The following STAU2 variants were observed in gnomAD, a reference collection of about 807,000 sequenced individuals.
STAU2 encodes the protein staufen double-stranded RNA binding protein 2, also known as double-stranded RNA-binding protein Staufen homolog 2.
A neutral mutation model predicts 65.9 loss-of-function variants in STAU2; 20 were observed. That is an observed-to-expected ratio of 0.30 (90% CI 0.21 to 0.44). STAU2 has a LOEUF of 0.44. Among genes scored for constraint, STAU2 ranks in the 20% least tolerant of loss-of-function variants. The pLI, the probability that STAU2 is intolerant of heterozygous loss-of-function variation, is 1.00. For missense variants in STAU2, 558 were observed against 683.9 expected (o/e 0.82, Z 2.05); for synonymous variants, 232 against 233.9 (o/e 0.99, Z 0.07).
chr8:73,743,414 G>C (rs1176359213), intron 1 of STAU2, among the ~76,000 whole-genome samples: 3 of 150,834 alleles, frequency 2.0e-5, no homozygotes, highest in Admixed American at 2.0e-4. Context: ...CTGGCCCAAA[G>C]TCGTCTTTTC....
intron 4 of STAU2, among the ~76,000 whole-genome samples, chr8:73,703,330 C>T (rs1019256029): frequency 3.3e-5 from 5 of 152,110 alleles, no homozygotes; most frequent in African/African-American, 1.2e-4. Flanking sequence ...CCTTTTACTT[C>T]CACCATGATT....
rs1023641485 is a variant in STAU2 at position 73,558,984 on chromosome 8, G to A, written c.1223-6665C>T. 3.9e-5 allele frequency among the ~76,000 whole-genome samples: 6 copies of A among 151,984 alleles called. No homozygotes were observed. In the East Asian group the frequency reaches 1.2e-3, roughly 29 times the overall value. ...AAAAATTCTTAAGAACTAGAAACAG[G>A]GGCTTCTGGTTCAAAACAGGAAATG... On this transcript the variant is annotated intron_variant, in intron 12 of 14. Coordinates refer to ENST00000524300, the MANE Select transcript of STAU2 (RefSeq NM_001164380.2).
intron 2 of STAU2, among the ~76,000 whole-genome samples, chr8:73,739,451 G>C (rs972244147): frequency 1.3e-5 from 2 of 152,108 alleles, no homozygotes; most frequent in African/African-American, 4.8e-5. Context: ...TATAGAAACT[G>C]TTATGCTGCT....
intron 13 of STAU2, among the ~76,000 whole-genome samples, chr8:73,449,327 G>A (rs1240377516): frequency 2.0e-5 from 3 of 152,178 alleles, no homozygotes; most frequent in Non-Finnish European, 4.4e-5. Flanking sequence ...TTCTGGCTGC[G>A]TCCTCCCAGG....
intron 6 of STAU2, chr8:73,672,048 A>T (rs1309813779): frequency 6.6e-6 from 1 of 152,166 alleles, no homozygotes; most frequent in Non-Finnish European, 1.5e-5. Context: ...GAAAAGAAAA[A>T]AAAATTCTTA....
At chr8:73,459,896 C>A (rs558348999) in intron 13 of STAU2, among the ~76,000 whole-genome samples, 1 of 152,160 alleles carries the variant, frequency 6.6e-6, no homozygotes, top group African/African-American at 2.4e-5. Flanking sequence ...CTATCGGGCA[C>A]GGCTCCTTTG....
At chr8:73,737,350 T>C (rs1318245810) in intron 3 of STAU2, among the ~76,000 whole-genome samples, 4 of 151,858 alleles carry the variant, frequency 2.6e-5, no homozygotes, top group South Asian at 2.1e-4. Context: ...TTGTATTTTT[T>C]AGTAGAGACG....
Position 73,488,301 on chromosome 8 carries a change from G to A in STAU2, c.1530+63711C>T, listed in dbSNP as rs115759800. ...CTTTTGACACTATGTTTATATTCCA[G>A]TTGTGAATGTTCAAATATAAAAATG... is the stretch of plus-strand genomic sequence containing the variant. On this transcript the variant is annotated intron_variant, in intron 13 of 14. Coordinates refer to ENST00000524300, the MANE Select transcript of STAU2 (RefSeq NM_001164380.2). 6.2e-3 allele frequency among the ~76,000 whole-genome samples: 938 copies of A among 151,984 alleles called. 6 individuals are homozygous for A. The highest frequency in any genetic ancestry group is 0.021 in the African/African-American group (865 of 41,506).
chr8:73,672,053 T>G (rs1160072117), intron 6 of STAU2: 4 of 151,938 alleles, frequency 2.6e-5, no homozygotes, highest in Admixed American at 6.6e-5. Flanking sequence ...GAAAAAAAAA[T>G]TCTTAAATAT....
At chr8:73,697,008 A>G (rs1409926196) in intron 4 of STAU2, among the ~76,000 whole-genome samples, 1 of 152,144 alleles carries the variant, frequency 6.6e-6, no homozygotes, top group African/African-American at 2.4e-5. Context: ...TAAATAACAT[A>G]CAATAGAGCT....
intron 6 of STAU2, among the ~76,000 whole-genome samples, chr8:73,671,338 C>T (rs1817654925): frequency 6.6e-6 from 1 of 151,762 alleles, no homozygotes; most frequent in Non-Finnish European, 1.5e-5. Flanking sequence ...TGAGACCACA[C>T]CATGGCACTC....
At chr8:73,551,427 C>T in intron 13 of STAU2, 3 of 987,194 alleles carry the variant, frequency 3.0e-6, no homozygotes, top group Middle Eastern at 3.1e-4. Flanking sequence ...TCCAGTAAAA[C>T]AAATACACAT....
intron 13 of STAU2, among the ~76,000 whole-genome samples, chr8:73,469,470 AT>A (rs200016029): frequency 0.023 from 1,474 of 65,226 alleles, 30 homozygotes; most frequent in African/African-American, 0.095. Flanking sequence ...ATATATATAT[AT>A]TTAAAAAAAA....
intron 13 of STAU2, among the ~76,000 whole-genome samples, chr8:73,451,652 T>A (rs1282486913): frequency 6.6e-6 from 1 of 151,770 alleles, no homozygotes; most frequent in Non-Finnish European, 1.5e-5. Flanking sequence ...GTCTCCTTAA[T>A]TGCTCTTCTC....
chr8:73,451,903 T>C (rs1818820080), intron 13 of STAU2, among the ~76,000 whole-genome samples: 1 of 152,246 alleles, frequency 6.6e-6, no homozygotes, highest in Non-Finnish European at 1.5e-5. Flanking sequence ...TAAAGGAGCT[T>C]GGCGGCATGC....
At chr8:73,697,401 C>G (rs1198908509) in intron 4 of STAU2, 1 of 152,166 alleles carries the variant, frequency 6.6e-6, no homozygotes, top group Non-Finnish European at 1.5e-5. Flanking sequence ...TTCATCAACA[C>G]CAGACTTGTT....
chr8:73,624,654 TC>T (rs1813505373), intron 6 of STAU2, among the ~76,000 whole-genome samples: 2 of 152,170 alleles, frequency 1.3e-5, no homozygotes, highest in South Asian at 4.1e-4. Context: ...GCAGTCTCAC[TC>T]CAGAACCCAT....
chr8:73,684,190 A>G (rs1332769497), intron 5 of STAU2, among the ~76,000 whole-genome samples: 1 of 152,170 alleles, frequency 6.6e-6, no homozygotes. Context: ...GAGGCATCAC[A>G]TTACCTGACT....
chr8:73,509,544 G>A (rs912803409), intron 13 of STAU2, among the ~76,000 whole-genome samples: 4 of 152,176 alleles, frequency 2.6e-5, no homozygotes, highest in Admixed American at 2.6e-4. Context: ...AGGGGGTAGA[G>A]GGAAATATTT....
Sources: allele counts gnomAD v4.1 joint callset (sites outside exome capture counted in the v4.1 genomes callset), GRCh38; gene constraint gnomAD v4.1.1; transcripts MANE v1.5; gene names NCBI Gene and HGNC (gene_info 2026-07-23, HGNC 2026-07-21).